FGF14: variants seen among roughly 807,000 people sequenced by gnomAD.
FGF14 encodes the protein fibroblast growth factor 14.
In FGF14, 5 loss-of-function variants were observed where a neutral mutation model predicts 25.5. The observed-to-expected ratio is 0.20, with a 90% confidence interval of 0.10 to 0.41. The LOEUF is 0.41. Among genes scored for constraint, FGF14 ranks in the 10% least tolerant of loss-of-function variants. The pLI is 1.00. For missense variants in FGF14, 222 were observed against 320.1 expected, an observed-to-expected ratio of 0.69 and a Z score of 2.34; for synonymous variants, 138 against 118.3, an observed-to-expected ratio of 1.17 and a Z score of -1.08.
At chr13:102,148,567 G>T (rs2046948727) in intron 1 of FGF14, among the ~76,000 whole-genome samples, 1 of 152,134 alleles carries the variant, frequency 6.6e-6, no homozygotes, top group Non-Finnish European at 1.5e-5. Flanking sequence ...CCAGCACTTT[G>T]GGAGGTCTAG....
chr13:101,778,840 C>A (rs2039307628), intron 3 of FGF14: 1 of 148,004 alleles, frequency 6.8e-6, no homozygotes, highest in African/African-American at 2.5e-5. Flanking sequence ...ATGTCTGAAG[C>A]CAATTGTTTT....
At chr13:101,964,118 T>C (rs2037038469) in intron 1 of FGF14, among the ~76,000 whole-genome samples, 1 of 152,230 alleles carries the variant, frequency 6.6e-6, no homozygotes, top group South Asian at 2.1e-4. Context: ...AGTTGGATGT[T>C]TGGCTTTTGA....
At chr13:101,996,145 C>T (rs1259495956) in intron 1 of FGF14, among the ~76,000 whole-genome samples, 1 of 151,918 alleles carries the variant, frequency 6.6e-6, no homozygotes, top group Non-Finnish European at 1.5e-5. Flanking sequence ...TGTGTACCCA[C>T]AAATATTAAA....
chr13:102,327,612 A>T (rs537161750), intron 1 of FGF14, among the ~76,000 whole-genome samples: 1 of 152,344 alleles, frequency 6.6e-6, no homozygotes, highest in East Asian at 1.9e-4. Context: ...AGGCAGGAAG[A>T]TCACTCAAAG....
chr13:102,153,571 C>T (rs2047184993), intron 1 of FGF14, among the ~76,000 whole-genome samples: 1 of 152,088 alleles, frequency 6.6e-6, no homozygotes, highest in Non-Finnish European at 1.5e-5. Context: ...AAACAATTAC[C>T]ATTTTGAGAA....
At chr13:102,028,375 G>C (rs79548065) in intron 1 of FGF14, among the ~76,000 whole-genome samples, 1 of 152,094 alleles carries the variant, frequency 6.6e-6, no homozygotes, top group African/African-American at 2.4e-5. Context: ...CCTTCCACCA[G>C]TGGAAGTGAG....
chr13:102,010,398 G>A (rs932898152), intron 1 of FGF14, among the ~76,000 whole-genome samples: 6 of 152,126 alleles, frequency 3.9e-5, no homozygotes, highest in Admixed American at 3.9e-4. Flanking sequence ...AGAGCACAGA[G>A]ATGTGACTAT....
At chr13:102,149,290 C>G (rs1358883432) in intron 1 of FGF14, among the ~76,000 whole-genome samples, 1 of 151,910 alleles carries the variant, frequency 6.6e-6, no homozygotes, top group Non-Finnish European at 1.5e-5. Context: ...TTCTAAGAAA[C>G]ACTAGGTTCT....
chr13:102,289,629 C>G (rs530262330), intron 1 of FGF14, among the ~76,000 whole-genome samples: 1 of 152,180 alleles, frequency 6.6e-6, no homozygotes, highest in Middle Eastern at 3.4e-3. Context: ...GAGGGTTGTA[C>G]GAAAACCAGT....
intron 1 of FGF14, among the ~76,000 whole-genome samples, chr13:101,932,920 G>A (rs1348380259): frequency 6.6e-6 from 1 of 152,112 alleles, no homozygotes; most frequent in Non-Finnish European, 1.5e-5. Context: ...TTGATGAGAT[G>A]GGAGATAGCA....
chr13:101,990,115 T>G (rs1011915884), intron 1 of FGF14, among the ~76,000 whole-genome samples: 1 of 152,074 alleles, frequency 6.6e-6, no homozygotes, highest in Non-Finnish European at 1.5e-5. Flanking sequence ...CAAGAAAAAC[T>G]CTAATTGAAT....
At chr13:101,986,604 AAG>A (rs1267765745) in intron 1 of FGF14, among the ~76,000 whole-genome samples, 1 of 152,120 alleles carries the variant, frequency 6.6e-6, no homozygotes, top group Non-Finnish European at 1.5e-5. Context: ...CCAAATTTCT[AAG>A]AACCTTAAAA....
At chr13:102,153,740 C>G (rs983823948) in intron 1 of FGF14, among the ~76,000 whole-genome samples, 1 of 152,180 alleles carries the variant, frequency 6.6e-6, no homozygotes, top group African/African-American at 2.4e-5. Context: ...AACCACCATT[C>G]TACTCTCAGA....
intron 1 of FGF14, among the ~76,000 whole-genome samples, chr13:102,269,459 G>T (rs2053145410): frequency 6.6e-6 from 1 of 152,192 alleles, no homozygotes; most frequent in Non-Finnish European, 1.5e-5. Flanking sequence ...TTATATGACA[G>T]AATTTTATTC....
At chr13:102,360,148 T>A (rs1043687654) in intron 1 of FGF14, among the ~76,000 whole-genome samples, 1 of 152,186 alleles carries the variant, frequency 6.6e-6, no homozygotes, top group Non-Finnish European at 1.5e-5. Flanking sequence ...TAATACTACT[T>A]AAAGCCACTA....
At chr13:102,077,352 A>AGAAATGG in intron 1 of FGF14, among the ~76,000 whole-genome samples, 1 of 152,330 alleles carries the variant, frequency 6.6e-6, no homozygotes, top group South Asian at 2.1e-4. Flanking sequence ...AACAGAGTGA[A>AGAAATGG]GAGACAGTCT....
chr13:102,113,455 TC>T (rs1224556642), intron 1 of FGF14, among the ~76,000 whole-genome samples: 2 of 152,194 alleles, frequency 1.3e-5, no homozygotes, highest in African/African-American at 2.4e-5. Flanking sequence ...ACCACAAAGA[TC>T]CCTGGGGACT....
intron 1 of FGF14, among the ~76,000 whole-genome samples, chr13:102,294,771 G>T (rs1222356934): frequency 6.6e-6 from 1 of 152,068 alleles, no homozygotes; most frequent in Non-Finnish European, 1.5e-5. Flanking sequence ...TAGTTAGACT[G>T]CCATTGTCCA....
At chr13:101,956,998 C>G (rs2036557068) in intron 1 of FGF14, among the ~76,000 whole-genome samples, 1 of 151,806 alleles carries the variant, frequency 6.6e-6, no homozygotes, top group Non-Finnish European at 1.5e-5. Context: ...GAGACCATAG[C>G]TAAATATAAT....
Sources: allele counts gnomAD v4.1 joint callset (sites outside exome capture counted in the v4.1 genomes callset), GRCh38; gene constraint gnomAD v4.1.1; transcripts MANE v1.5; gene names NCBI Gene and HGNC (gene_info 2026-07-23, HGNC 2026-07-21).